Variants in CHN1 observed in about 807,000 individuals in gnomAD.
CHN1 encodes N-chimaerin.
Under a neutral mutation model 59.5 loss-of-function variants are expected in CHN1, and 37 were observed. The ratio of observed to expected loss-of-function variants is 0.62; its 90% CI spans 0.48 to 0.82. The LOEUF is 0.82. Among genes scored for constraint, CHN1 ranks in the 40% least tolerant of loss-of-function variants. CHN1 has a pLI of 0.00. For missense variants in CHN1, 469 were observed against 571.0 expected, an observed-to-expected ratio of 0.82 and a Z score of 1.82; for synonymous variants, 206 against 200.4, an observed-to-expected ratio of 1.03 and a Z score of -0.24.
At chr2:174,822,810 C>A (rs1236430395) in intron 8 of CHN1, among the ~76,000 whole-genome samples, 6 of 152,352 alleles carry the variant, frequency 3.9e-5, no homozygotes, top group African/African-American at 1.4e-4. Context: ...TGGATAACCA[C>A]CAGCCACAGC....
At chr2:174,984,362 T>C (rs1243470665) in intron 1 of CHN1, among the ~76,000 whole-genome samples, 2 of 148,744 alleles carry the variant, frequency 1.3e-5, no homozygotes, top group Non-Finnish European at 3.0e-5. Flanking sequence ...ATGTGTTTTA[T>C]AAGCTTTTTT....
chr2:174,930,204 T>G (rs1304039032), intron 3 of CHN1, among the ~76,000 whole-genome samples: 1 of 152,176 alleles, frequency 6.6e-6, no homozygotes, highest in African/African-American at 2.4e-5. Flanking sequence ...AGGAGAGCCC[T>G]GACCAGGAGG....
chr2:174,820,234 G>GA (rs1231163987), intron 8 of CHN1, among the ~76,000 whole-genome samples: 1 of 152,086 alleles, frequency 6.6e-6, no homozygotes, highest in Non-Finnish European at 1.5e-5. Context: ...GATCCCTAAG[G>GA]AATCACCACA....
At chr2:174,984,647 G>A (rs1239847503) in intron 1 of CHN1, among the ~76,000 whole-genome samples, 2 of 152,150 alleles carry the variant, frequency 1.3e-5, no homozygotes, top group Admixed American at 6.5e-5. Context: ...GATTACAGGC[G>A]TGAGCCACTG....
chr2:174,862,482 G>T (rs562599132), intron 6 of CHN1, among the ~76,000 whole-genome samples: 1 of 151,900 alleles, frequency 6.6e-6, no homozygotes. Context: ...GCAGGCACAC[G>T]CCACCACACC....
At chr2:174,838,430 T>C (rs1686170147) in intron 7 of CHN1, among the ~76,000 whole-genome samples, 1 of 152,188 alleles carries the variant, frequency 6.6e-6, no homozygotes, top group African/African-American at 2.4e-5. Flanking sequence ...CTATAGGGAA[T>C]GTTGACACAG....
chr2:174,921,108 G>A (rs914240068), intron 3 of CHN1: 8 of 349,982 alleles, frequency 2.3e-5, no homozygotes, highest in Non-Finnish European at 5.0e-5. Flanking sequence ...TTGAAGCTTC[G>A]CTGGCTCACC....
At chr2:174,899,619 CT>C (rs1335458828) in intron 5 of CHN1, among the ~76,000 whole-genome samples, 1 of 152,162 alleles carries the variant, frequency 6.6e-6, no homozygotes, top group African/African-American at 2.4e-5. Flanking sequence ...AAAATATTTA[CT>C]ATAGGATCCT....
At chr2:174,982,021 C>T (rs1049351024) in intron 1 of CHN1, among the ~76,000 whole-genome samples, 2 of 152,118 alleles carry the variant, frequency 1.3e-5, no homozygotes, top group Non-Finnish European at 2.9e-5. Flanking sequence ...TGTTCAATTC[C>T]CACCTATGAG....
intron 3 of CHN1, among the ~76,000 whole-genome samples, chr2:174,918,895 A>T (rs1688924053): frequency 6.6e-6 from 1 of 152,054 alleles, no homozygotes; most frequent in Non-Finnish European, 1.5e-5. Flanking sequence ...ATTGTGACAC[A>T]CTCAATTGCA....
chr2:174,979,753 C>A (rs542510366), intron 1 of CHN1, among the ~76,000 whole-genome samples: 1 of 152,008 alleles, frequency 6.6e-6, no homozygotes, highest in East Asian at 1.9e-4. Flanking sequence ...TGGTGGTGGG[C>A]GCCTGTAGTC....
Position 174,798,952 on chromosome 2 carries a change from GC to G in CHN1, c.*1163del, listed in dbSNP as rs1230006153. ...CACAGGTGGCCAGTGGTAGTACCAG[GC>G]CCAGAATCTGGGCTCCTGGCCCCTA... On this transcript the variant is annotated 3_prime_UTR_variant, in exon 13 of 13. Transcript: ENST00000409900. 6.6e-6 allele frequency among the ~76,000 whole-genome samples: 1 copy of G among 152,218 alleles called. No individual in the cohort carries two copies. The highest frequency in any genetic ancestry group is 2.4e-5 in the African/African-American group (1 of 41,456).
chr2:174,946,265 A>C (rs144408829), intron 2 of CHN1, among the ~76,000 whole-genome samples: 1 of 152,206 alleles, frequency 6.6e-6, no homozygotes, highest in Admixed American at 6.5e-5. Context: ...ACTACTTATT[A>C]TTATACATAG....
intron 1 of CHN1, among the ~76,000 whole-genome samples, chr2:174,970,762 T>C (rs1454975129): frequency 6.6e-6 from 1 of 152,180 alleles, no homozygotes; most frequent in Non-Finnish European, 1.5e-5. Flanking sequence ...ACATTGCAAT[T>C]GACCTTTAAA....
chr2:174,886,441 A>C (rs564213547), intron 5 of CHN1, among the ~76,000 whole-genome samples: 1 of 152,164 alleles, frequency 6.6e-6, no homozygotes, highest in Non-Finnish European at 1.5e-5. Flanking sequence ...ATCTAGTTTT[A>C]TATTTCTAAA....
intron 2 of CHN1, among the ~76,000 whole-genome samples, chr2:174,946,969 A>G (rs1689857925): frequency 6.6e-6 from 1 of 152,008 alleles, no homozygotes; most frequent in Non-Finnish European, 1.5e-5. Context: ...ATAAGGTAAA[A>G]ATTTAGTTCA....
intron 8 of CHN1, among the ~76,000 whole-genome samples, chr2:174,815,189 C>G (rs1442688234): frequency 6.6e-6 from 1 of 152,004 alleles, no homozygotes; most frequent in African/African-American, 2.4e-5. Flanking sequence ...CAAGCCTAGG[C>G]AACATAGTGA....
chr2:175,004,970 A>T lies in CHN1; in HGVS notation c.-58T>A. ...GGCGCTCCTCCCAGGCGGGCTAGGG[A>T]TCACCTCATCAGCCCGCCGCACCCA... is the stretch of plus-strand genomic sequence containing the variant. On this transcript the variant is annotated 5_prime_UTR_variant, in exon 1 of 13. Coordinates refer to ENST00000409900, the MANE Select transcript of CHN1 (RefSeq NM_001822.7). 6.6e-7 allele frequency: 1 copy of T among 1,509,558 alleles called. No individual in the cohort carries two copies. The highest frequency in any genetic ancestry group is 8.8e-7 in the Non-Finnish European group (1 of 1,131,612). The allele number at this position is 1,509,558 out of a possible 1,614,324, so 93.5% of individuals were successfully genotyped here.
chr2:174,926,780 C>T (rs1167331971), intron 3 of CHN1, among the ~76,000 whole-genome samples: 9 of 150,528 alleles, frequency 6.0e-5, no homozygotes, highest in African/African-American at 2.0e-4. Flanking sequence ...TTTTTTTAGA[C>T]GGAGTCTTGC....
Sources: allele counts gnomAD v4.1 joint callset (sites outside exome capture counted in the v4.1 genomes callset), GRCh38; gene constraint gnomAD v4.1.1; transcripts MANE v1.5; gene names NCBI Gene and HGNC (gene_info 2026-07-23, HGNC 2026-07-21).